The following PCMTD2 variants were observed in gnomAD, a reference collection of about 807,000 sequenced individuals.
The protein encoded by PCMTD2 is protein-L-isoaspartate (D-aspartate) O-methyltransferase domain containing 2, also known as protein-L-isoaspartate O-methyltransferase domain-containing protein 2.
In PCMTD2, 16 loss-of-function variants were observed where a neutral mutation model predicts 33.4. The ratio of observed to expected loss-of-function variants is 0.48; its 90% CI spans 0.32 to 0.73. PCMTD2 has a LOEUF of 0.73. PCMTD2 is among the 30% of genes least tolerant of loss of function. PCMTD2 has a pLI of 0.03. For synonymous variants in PCMTD2, 161 were observed against 160.8 expected, an observed-to-expected ratio of 1.00 and a Z score of -0.01; for missense variants, 374 against 449.9, an observed-to-expected ratio of 0.83 and a Z score of 1.53.
At chr20:64,257,998 CA>C (rs781091352) in intron 1 of PCMTD2, among the ~76,000 whole-genome samples, 5 of 152,212 alleles carry the variant, frequency 3.3e-5, no homozygotes, top group Non-Finnish European at 4.4e-5. Context: ...CAAATTAAGG[CA>C]GAGTTCAAAA....
Position 64,260,241 on chromosome 20 carries a change from G to A in PCMTD2, c.276G>A (p.Gly92=), listed in dbSNP as rs148223773. The A allele has an allele frequency of 3.5e-3, 5,617 of 1,613,364 alleles. 16 individuals are homozygous for A. Among genetic ancestry groups the A allele is most frequent in the Non-Finnish European group, 4.5e-3 (5,352 of 1,179,262 alleles). The change falls in exon 2 of 6, where the codon GGG becomes GGA. Residue 92 remains glycine (G), a synonymous_variant. Coordinates refer to ENST00000308824, the MANE Select transcript of PCMTD2 (RefSeq NM_018257.3). ...LSFLNLGSGT[G]YLSSMVGLIL... is the part of the protein sequence containing the mutation. Reference sequence around the variant, plus strand: ...TTCTGAACCTGGGCAGTGGCACTGGGTATCTCAGCTCCATGGTGGGCCTCA... The same window carrying A: ...TTCTGAACCTGGGCAGTGGCACTGGATATCTCAGCTCCATGGTGGGCCTCA...
In PCMTD2 at chr20:64,274,772, GCTTT is replaced by G. The variant is rs1408931294; in HGVS notation, c.*1175_*1178del. The G allele has an allele frequency of 6.6e-6, 1 of 152,228 alleles. No homozygotes were observed. Among genetic ancestry groups the G allele is most frequent in the Non-Finnish European group, 1.5e-5 (1 of 68,040 alleles). The allele number at this position is 152,228 out of a possible 1,614,324, so 9.4% of individuals were successfully genotyped here. On this transcript the variant is annotated 3_prime_UTR_variant, in exon 6 of 6. Transcript: ENST00000308824. ...CTTCTCTGGGCCTTGTGTGTGGAGA[GCTTT>G]CTATCTTACCAAGTGGTAGGGCTAA...
At chr20:64,261,246 G>T (rs1221973358) in intron 2 of PCMTD2, among the ~76,000 whole-genome samples, 2 of 152,204 alleles carry the variant, frequency 1.3e-5, no homozygotes, top group South Asian at 2.1e-4. Flanking sequence ...TGCCGGAGGG[G>T]TGATAGGAGC....
intron 4 of PCMTD2, 136 bp from the exon 5 acceptor site, chr20:64,267,751 T>C (rs1223924729): frequency 1.2e-5 from 8 of 691,976 alleles, no homozygotes; most frequent in Admixed American, 2.8e-5. Context: ...CACATCACAT[T>C]AGGGGTCCGT....
In PCMTD2 at chr20:64,273,811, T is replaced by C; in HGVS notation, c.*211T>C. The C allele has an allele frequency of 4.7e-6, 2 of 429,374 alleles. No homozygotes were observed. Among genetic ancestry groups the C allele is most frequent in the Non-Finnish European group, 4.1e-6 (1 of 244,214 alleles). The allele number at this position is 429,374 out of a possible 1,614,324, so 26.6% of individuals were successfully genotyped here. On this transcript the variant is annotated 3_prime_UTR_variant, in exon 6 of 6. Transcript: ENST00000308824. ...TTGTTTACATAGTTCCACAAGACCT[T>C]CATTGCATAGAAGATTGTTTTCCCA...
chr20:64,259,683 C>A, intron 1 of PCMTD2: 1 of 437,558 alleles, frequency 2.3e-6, no homozygotes, highest in East Asian at 4.3e-5. Context: ...ACCCACCGCA[C>A]CCGGCCTAAA....
At chr20:64,265,453 A>G (rs756452933) in intron 4 of PCMTD2, 24 bp downstream of exon 4, 41 of 1,571,240 alleles carry the variant, frequency 2.6e-5, no homozygotes, top group Middle Eastern at 1.8e-4. Flanking sequence ...CATAACTGAC[A>G]TTTCTGCACA....
Position 64,260,048 on chromosome 20 carries a change from TG to T in PCMTD2, c.85del (p.Val29Ter). 6.2e-7 allele frequency: 1 copy of T among 1,611,652 alleles called. No individual in the cohort carries two copies. The highest frequency in any genetic ancestry group is 8.5e-7 in the Non-Finnish European group (1 of 1,177,724). ...GAAGCACAGTATATCCGGACTGAGC[TG>T]GTAGAGCAGGCTTTCAGAGCTATCG... The part of the protein sequence containing the change: ...LKEAQYIRTE[L>X]VEQAFRAIDR... On this transcript the variant is annotated frameshift_variant, in exon 2 of 6. Transcript: ENST00000308824. LOFTEE classifies it high-confidence loss of function.
At chr20:64,266,554 G>A (rs1356262674) in intron 4 of PCMTD2, among the ~76,000 whole-genome samples, 2 of 152,138 alleles carry the variant, frequency 1.3e-5, no homozygotes, top group Non-Finnish European at 2.9e-5. Context: ...ACCGTGCCCG[G>A]CCTAATTTTA....
At position 64,270,143 on chromosome 20, in the gene PCMTD2, G is replaced by A. The variant is rs537231113; in HGVS notation, c.706+2133G>A. On this transcript the variant is annotated intron_variant, in intron 5 of 5. Transcript: ENST00000308824. ...TCGTGTGAGTGCATGGTGTGGGGTCGTCAGTGCGGGCATGCACGTTGTGGG... is the reference window on the plus strand; with the variant it reads ...TCGTGTGAGTGCATGGTGTGGGGTCATCAGTGCGGGCATGCACGTTGTGGG... 4.2e-5 allele frequency among the ~76,000 whole-genome samples: 6 copies of A among 142,498 alleles called. No individual in the cohort carries two copies. In the South Asian group the frequency reaches 9.5e-4, roughly 23 times the overall value. The allele number at this position is 142,498 out of a possible 152,430, so 93.5% of individuals were successfully genotyped here.
At position 64,265,372 on chromosome 20, in the gene PCMTD2, G is replaced by C. The variant is rs1464362046; in HGVS notation, c.525G>C (p.Glu175Asp). ...CGAGVQKEHE[E>D]YMKNLLKVGG... ...CTGGCGTGCAGAAAGAGCATGAAGAGTACATGAAGAATCTTCTCAAAGTGG... is the reference window on the plus strand; with the variant it reads ...CTGGCGTGCAGAAAGAGCATGAAGACTACATGAAGAATCTTCTCAAAGTGG... The change falls in exon 4 of 6, where the codon GAG (glutamate) becomes GAC (aspartate). Residue 175 changes from glutamate to aspartate, a missense_variant. Transcript: ENST00000308824. The C allele has an allele frequency of 6.2e-7, 1 of 1,613,492 alleles. No homozygotes were observed. The highest frequency in any genetic ancestry group is 1.1e-5 in the South Asian group (1 of 91,034).
intron 2 of PCMTD2, chr20:64,262,674 G>C (rs1985476466): frequency 6.6e-6 from 1 of 152,348 alleles, no homozygotes; most frequent in Admixed American, 6.5e-5. Context: ...CGCATGGCCT[G>C]AGCGGCATCC....
chr20:64,258,458 T>C (rs1223746092), intron 1 of PCMTD2, among the ~76,000 whole-genome samples: 2 of 152,236 alleles, frequency 1.3e-5, no homozygotes, highest in South Asian at 2.1e-4. Flanking sequence ...CTCTAAAATC[T>C]TGAGTGTGAA....
chr20:64,267,024 T>C (rs1360575315), intron 4 of PCMTD2, among the ~76,000 whole-genome samples: 2 of 152,218 alleles, frequency 1.3e-5, no homozygotes, highest in African/African-American at 2.4e-5. Flanking sequence ...AGTTATAAGA[T>C]TCATGACATA....
Position 64,274,189 on chromosome 20 carries a change from A to C in PCMTD2, c.*589A>C, listed in dbSNP as rs937856274. ...CTCCCTTATTTTAAGTAAGTTGATT[A>C]AATCTTATGTGAGTTGCCAGTTGTA... On this transcript the variant is annotated 3_prime_UTR_variant, in exon 6 of 6. Transcript: ENST00000308824. 1 of 152,214 alleles carries C rather than the reference A, an allele frequency of 6.6e-6. No individual in the cohort carries two copies. Among genetic ancestry groups the C allele is most frequent in the African/African-American group, 2.4e-5 (1 of 41,440 alleles). The allele number at this position is 152,214 out of a possible 1,614,324, so 9.4% of individuals were successfully genotyped here. A position where few individuals can be genotyped will look rare whatever the true frequency, so the allele number is the denominator to read the frequency against.
At chr20:64,260,706 GT>G (rs10585176) in intron 2 of PCMTD2, among the ~76,000 whole-genome samples, 22,603 of 117,460 alleles carry the variant, frequency 0.19, 1,521 homozygotes, top group African/African-American at 0.34. Context: ...TGTTTTGTTG[GT>G]TTTTTTTTTT....
chr20:64,269,306 T>C (rs929928839), intron 5 of PCMTD2, among the ~76,000 whole-genome samples: 1 of 152,298 alleles, frequency 6.6e-6, no homozygotes, highest in Admixed American at 6.5e-5. Context: ...TAGCAGAGTT[T>C]GGGAAGGCAG....
In PCMTD2 at chr20:64,273,953, C is replaced by T. The variant is rs537917759; in HGVS notation, c.*353C>T. The T allele has an allele frequency of 1.8e-3, 338 of 187,544 alleles. 1 individual carries two copies. Among genetic ancestry groups the T allele is most frequent in the Non-Finnish European group, 2.7e-3 (247 of 91,944 alleles). 11.6% of individuals were successfully genotyped at this position (187,544 alleles called of 1,614,324 possible). A position where few individuals can be genotyped will look rare whatever the true frequency, so the allele number is the denominator to read the frequency against. On this transcript the variant is annotated 3_prime_UTR_variant, in exon 6 of 6. Transcript: ENST00000308824. The stretch of plus-strand genomic sequence containing the variant: ...ATGACCGTCCCTCATGCAACATGCA[C>T]GGTACTCACTAAAAATGAAAACTGA...
chr20:64,256,521 C>G (rs1985176682), intron 1 of PCMTD2: 1 of 152,188 alleles, frequency 6.6e-6, no homozygotes, highest in African/African-American at 2.4e-5. Flanking sequence ...ACTCGTGTGA[C>G]TAGAATAGTT....
Sources: allele counts gnomAD v4.1 joint callset (sites outside exome capture counted in the v4.1 genomes callset), GRCh38; gene constraint gnomAD v4.1.1; transcripts MANE v1.5; gene names NCBI Gene and HGNC (gene_info 2026-07-23, HGNC 2026-07-21).